ZNF676: variants seen among roughly 807,000 people sequenced by gnomAD.
ZNF676 encodes the protein zinc finger protein 676.
ZNF676 carries 4 observed loss-of-function variants against 6.0 expected under a neutral mutation model. That is an observed-to-expected ratio of 0.67 (90% CI 0.33 to 1.53). ZNF676 has a LOEUF of 1.53. Among genes scored for constraint, ZNF676 ranks in the 40% most tolerant of loss-of-function variants. ZNF676 has a pLI of 0.06. For missense variants in ZNF676, 644 were observed against 679.7 expected, an observed-to-expected ratio of 0.95 and a Z score of 0.58; for synonymous variants, 198 against 223.1, an observed-to-expected ratio of 0.89 and a Z score of 1.00.
chr19:22,203,362 G>C (rs1200426577), intron 1 of ZNF676: 3 of 153,558 alleles, frequency 2.0e-5, no homozygotes, highest in African/African-American at 7.2e-5. Flanking sequence ...TAGGGCTTCT[G>C]AAACAGATAC....
intron 1 of ZNF676, among the ~76,000 whole-genome samples, chr19:22,215,137 A>C (rs1444912282): frequency 6.6e-6 from 1 of 152,150 alleles, no homozygotes; most frequent in Non-Finnish European, 1.5e-5. Flanking sequence ...GCACCTTATA[A>C]AACTCTTTCC....
chr19:22,227,994 C>T, the ZNF676 span, among the ~76,000 whole-genome samples: 1 of 152,104 alleles, frequency 6.6e-6, no homozygotes, highest in Non-Finnish European at 1.5e-5. Context: ...GGGACTCCTC[C>T]CTAGCTCATT....
exon 1 of ZNF676, chr19:22,215,658 G>T: frequency 6.2e-7 from 1 of 1,609,518 alleles, no homozygotes; most frequent in East Asian, 2.2e-5. Flanking sequence ...GGGGGTCCTG[G>T]CGACTTAGTT....
intron 2 of ZNF676, among the ~76,000 whole-genome samples, chr19:22,181,808 A>G (rs1483997362): frequency 1.3e-5 from 2 of 152,162 alleles, no homozygotes; most frequent in Non-Finnish European, 2.9e-5. Context: ...CATTTCCTCA[A>G]TTAAGCCCAA....
At chr19:22,225,915 T>C in the ZNF676 span, among the ~76,000 whole-genome samples, 2 of 152,186 alleles carry the variant, frequency 1.3e-5, no homozygotes, top group African/African-American at 4.8e-5. Flanking sequence ...TGAAGTTTTT[T>C]TTGATGTGCA....
intron 1 of ZNF676, 102 bp from the exon 2 acceptor site, chr19:22,193,213 A>AT: frequency 8.0e-7 from 1 of 1,244,786 alleles, no homozygotes; most frequent in Non-Finnish European, 1.1e-6. Flanking sequence ...ATTCTAATAC[A>AT]TTTATCCCAA....
upstream of ZNF676, among the ~76,000 whole-genome samples, chr19:22,201,282 C>G (rs1185941853): frequency 1.3e-5 from 2 of 152,156 alleles, no homozygotes; most frequent in African/African-American, 4.8e-5. Flanking sequence ...CTCCTGGAGC[C>G]TCTCACATAA....
chr19:22,225,619 T>A, the ZNF676 span, among the ~76,000 whole-genome samples: 1 of 152,142 alleles, frequency 6.6e-6, no homozygotes, highest in Non-Finnish European at 1.5e-5. Context: ...CTGGTTTTCT[T>A]AAAAAATTGA....
chr19:22,244,874 G>A, the ZNF676 span: 1 of 152,208 alleles, frequency 6.6e-6, no homozygotes, highest in Non-Finnish European at 1.5e-5. Context: ...AATATGCATG[G>A]CTCAGCAAAA....
intron 2 of ZNF676, among the ~76,000 whole-genome samples, chr19:22,188,332 C>T (rs1326340677): frequency 3.9e-5 from 6 of 152,148 alleles, no homozygotes; most frequent in Non-Finnish European, 8.8e-5. Flanking sequence ...TAAAAACTCT[C>T]ACTAAACTAG....
At chr19:22,207,931 A>C (rs1419911453) in intron 1 of ZNF676, among the ~76,000 whole-genome samples, 1 of 151,960 alleles carries the variant, frequency 6.6e-6, no homozygotes, top group Non-Finnish European at 1.5e-5. Context: ...ACACCATATA[A>C]AAAAATCAAC....
chr19:22,234,063 C>G, the ZNF676 span, among the ~76,000 whole-genome samples: 1 of 152,358 alleles, frequency 6.6e-6, no homozygotes, highest in East Asian at 1.9e-4. Context: ...TGTAATCACA[C>G]ATCTGGCCAT....
chr19:22,221,548 CA>C, the ZNF676 span, among the ~76,000 whole-genome samples: 1 of 152,078 alleles, frequency 6.6e-6, no homozygotes, highest in African/African-American at 2.4e-5. Flanking sequence ...GTCAGGAGTT[CA>C]AAACCAGCCT....
At chr19:22,245,282 G>T in the ZNF676 span, 1 of 152,000 alleles carries the variant, frequency 6.6e-6, no homozygotes, top group Non-Finnish European at 1.5e-5. Flanking sequence ...GATTACAATG[G>T]CTCCTGGGTA....
chr19:22,223,545 G>A, the ZNF676 span, among the ~76,000 whole-genome samples: 7 of 148,102 alleles, frequency 4.7e-5, no homozygotes, highest in South Asian at 4.3e-4. Flanking sequence ...TACTGATGTC[G>A]CTCTCCCTAT....
chr19:22,189,594 T>A (rs11882224), intron 2 of ZNF676, among the ~76,000 whole-genome samples: 6,110 of 151,952 alleles, frequency 0.04, 403 homozygotes, highest in African/African-American at 0.14. Flanking sequence ...ACCTACAGAA[T>A]GGGAGAAAAA....
intron 2 of ZNF676, among the ~76,000 whole-genome samples, chr19:22,185,036 C>T (rs886493683): frequency 5.3e-5 from 8 of 152,040 alleles, no homozygotes; most frequent in African/African-American, 1.7e-4. Flanking sequence ...ATACTGCCAC[C>T]TCAAGTTGGT....
At chr19:22,181,719 T>G (rs1191089009) in intron 2 of ZNF676, 133 bp from the exon 3 acceptor site, 1 of 615,528 alleles carries the variant, frequency 1.6e-6, no homozygotes, top group Admixed American at 3.4e-5. Flanking sequence ...GCCCTAATTC[T>G]TCATAGATAT....
the ZNF676 span, among the ~76,000 whole-genome samples, chr19:22,227,526 G>C: frequency 1.5e-4 from 23 of 152,098 alleles, no homozygotes; most frequent in Non-Finnish European, 3.2e-4. Context: ...AGAACTGAAG[G>C]AGATAGAGAC....
Sources: gnomAD v4.1 joint callset for allele counts (sites outside exome capture counted in the v4.1 genomes callset) on GRCh38, gnomAD v4.1.1 for gene constraint, MANE v1.5 for transcripts, NCBI Gene and HGNC (gene_info 2026-07-23, HGNC 2026-07-21) for gene names.